Variants in PCDH7 observed in about 807,000 individuals in gnomAD.
PCDH7 encodes protocadherin-7.
A neutral mutation model predicts 58.9 loss-of-function variants in PCDH7; 17 were observed. The observed-to-expected ratio is 0.29, with a 90% CI of 0.20 to 0.43. The LOEUF is 0.43. Ranked by LOEUF, PCDH7 falls within the 20% of genes least tolerant of loss-of-function variation. The pLI is 1.00. For synonymous variants in PCDH7, 664 were observed against 616.4 expected (o/e 1.08, Z -1.14); for missense variants, 1,274 against 1,441.0 (o/e 0.88, Z 1.88).
chr4:30,892,183 C>T (rs1738700639), intron 1 of PCDH7, among the ~76,000 whole-genome samples: 1 of 151,828 alleles, frequency 6.6e-6, no homozygotes, highest in South Asian at 2.1e-4. Context: ...TCGGATTTCA[C>T]TGAGACATTA....
At chr4:31,103,479 T>A (rs774991279) in intron 3 of PCDH7, among the ~76,000 whole-genome samples, 1 of 151,840 alleles carries the variant, frequency 6.6e-6, no homozygotes, top group Non-Finnish European at 1.5e-5. Flanking sequence ...GGATTACAGG[T>A]GCATGCCACC....
intron 3 of PCDH7, among the ~76,000 whole-genome samples, chr4:31,033,624 C>T (rs1251404853): frequency 6.6e-6 from 1 of 152,110 alleles, no homozygotes; most frequent in Non-Finnish European, 1.5e-5. Flanking sequence ...TTCAACATGG[C>T]CCCTTACTTG....
At chr4:30,991,523 TTA>T (rs767458479) in intron 3 of PCDH7, among the ~76,000 whole-genome samples, 1 of 152,196 alleles carries the variant, frequency 6.6e-6, no homozygotes, top group Non-Finnish European at 1.5e-5. Flanking sequence ...AATATTTTAT[TTA>T]ATCTTAATTT....
intron 1 of PCDH7, chr4:30,725,213 A>AT (rs1305978381): frequency 1.0e-6 from 1 of 995,380 alleles, no homozygotes; most frequent in Non-Finnish European, 1.2e-6. Flanking sequence ...TCAATCTTTT[A>AT]TATCTATAAT....
chr4:30,915,475 G>T lies in PCDH7; in HGVS notation c.71-4678G>T, dbSNP rs541066858. Reference sequence around the variant, plus strand: ...CTTTCTGGAAATGTTACGCTTCCTTGACTTCTGAGTTTTGAAAGTGACCTG... The same window carrying T: ...CTTTCTGGAAATGTTACGCTTCCTTTACTTCTGAGTTTTGAAAGTGACCTG... On this transcript the variant is annotated intron_variant, in intron 1 of 3. Transcript: ENST00000509759. Among the ~76,000 whole-genome samples the T allele has an allele frequency of 2.6e-5, 4 of 152,220 alleles. No individual in the cohort carries two copies. The East Asian group carries it at 7.7e-4, about 29-fold the overall frequency.
chr4:30,818,314 C>G (rs1380483427), intron 1 of PCDH7, among the ~76,000 whole-genome samples: 1 of 152,084 alleles, frequency 6.6e-6, no homozygotes, highest in Non-Finnish European at 1.5e-5. Context: ...CCATTAGAAT[C>G]TAAGTTGCAA....
At chr4:30,830,913 A>T (rs1486808317) in intron 1 of PCDH7, among the ~76,000 whole-genome samples, 3 of 152,052 alleles carry the variant, frequency 2.0e-5, no homozygotes, top group Admixed American at 6.6e-5. Flanking sequence ...TTCTACTTCA[A>T]CTCATTCCAC....
At chr4:30,998,282 G>A (rs1048517173) in intron 3 of PCDH7, among the ~76,000 whole-genome samples, 2 of 152,058 alleles carry the variant, frequency 1.3e-5, no homozygotes, top group Non-Finnish European at 2.9e-5. Context: ...CTTGATCTCT[G>A]GAGAGTGGAA....
chr4:30,968,390 A>AC (rs1195373627), intron 3 of PCDH7, among the ~76,000 whole-genome samples: 21 of 54,054 alleles, frequency 3.9e-4, no homozygotes, highest in Non-Finnish European at 5.9e-4. Context: ...ATATATATAT[A>AC]TATATATATA....
At chr4:30,832,319 GTC>G (rs1170653792) in intron 1 of PCDH7, among the ~76,000 whole-genome samples, 1 of 152,148 alleles carries the variant, frequency 6.6e-6, no homozygotes, top group Non-Finnish European at 1.5e-5. Context: ...ACTTCTTTAT[GTC>G]TCTTTTTCTT....
At chr4:30,788,765 G>A (rs1419686570) in intron 1 of PCDH7, among the ~76,000 whole-genome samples, 1 of 152,026 alleles carries the variant, frequency 6.6e-6, no homozygotes, top group Non-Finnish European at 1.5e-5. Context: ...CAAGTTAGAA[G>A]TCTAGATGTC....
At chr4:31,098,745 G>T (rs982766653) in intron 3 of PCDH7, among the ~76,000 whole-genome samples, 1 of 152,082 alleles carries the variant, frequency 6.6e-6, no homozygotes, top group African/African-American at 2.4e-5. Flanking sequence ...TACAGTACAT[G>T]GCCAGCATTT....
At chr4:31,063,972 T>C (rs1313989705) in intron 3 of PCDH7, among the ~76,000 whole-genome samples, 1 of 151,920 alleles carries the variant, frequency 6.6e-6, no homozygotes, top group East Asian at 1.9e-4. Flanking sequence ...ACTATATGAC[T>C]TTTAAGCTTG....
At chr4:31,143,868 C>G (rs949479531), downstream of PCDH7, 1 of 151,960 alleles carries the variant, frequency 6.6e-6, no homozygotes, top group Non-Finnish European at 1.5e-5. Flanking sequence ...TTTGAAAGCG[C>G]AGAAAATGAA....
intron 3 of PCDH7, among the ~76,000 whole-genome samples, chr4:30,958,074 AAGAT>A (rs930622856): frequency 7.7e-4 from 117 of 152,128 alleles, no homozygotes; most frequent in African/African-American, 2.7e-3. Context: ...AAGAGTGGAA[AAGAT>A]AGATCAAAAC....
At chr4:30,882,366 AG>A (rs928448991) in intron 1 of PCDH7, among the ~76,000 whole-genome samples, 9 of 152,108 alleles carry the variant, frequency 5.9e-5, no homozygotes, top group Middle Eastern at 3.4e-3. Flanking sequence ...GGGCTAAAGC[AG>A]TTCTACCCCA....
chr4:30,852,499 C>A (rs1473293671), intron 1 of PCDH7, among the ~76,000 whole-genome samples: 1 of 151,974 alleles, frequency 6.6e-6, no homozygotes, highest in Non-Finnish European at 1.5e-5. Flanking sequence ...TCTCTTGAGA[C>A]TACTTGAAGT....
chr4:31,097,492 A>G (rs373514742), intron 3 of PCDH7, among the ~76,000 whole-genome samples: 26 of 119,036 alleles, frequency 2.2e-4, no homozygotes, highest in East Asian at 1.3e-3. Flanking sequence ...AAGAAAGAAA[A>G]AAAGAAAGAA....
intron 3 of PCDH7, among the ~76,000 whole-genome samples, chr4:30,985,629 A>G (rs1484600964): frequency 1.3e-5 from 2 of 152,208 alleles, no homozygotes; most frequent in Non-Finnish European, 2.9e-5. Flanking sequence ...ACAGAGTGAA[A>G]TGAAAAAATT....
Sources: allele counts gnomAD v4.1 joint callset (sites outside exome capture counted in the v4.1 genomes callset), GRCh38; gene constraint gnomAD v4.1.1; transcripts MANE v1.5; gene names NCBI Gene and HGNC (gene_info 2026-07-23, HGNC 2026-07-21).